The following MED13 variants were observed in gnomAD, a reference collection of about 807,000 sequenced individuals.
MED13 encodes mediator complex subunit 13.
MED13 carries 23 observed loss-of-function variants against 225.2 expected under a neutral mutation model. That is an observed-to-expected ratio of 0.10 (90% CI 0.07 to 0.14). The LOEUF (loss-of-function observed/expected upper bound fraction) is 0.14, where lower values mean the gene tolerates loss of function less well. Ranked by LOEUF, MED13 falls within the 10% of genes least tolerant of loss-of-function variation. MED13 has a pLI of 1.00. For synonymous variants in MED13, 942 were observed against 889.2 expected (o/e 1.06, Z -1.06); for missense variants, 2,197 against 2,594.5 (o/e 0.85, Z 3.33).
intron 9 of MED13, among the ~76,000 whole-genome samples, chr17:62,008,660 A>C (rs896244486): frequency 6.6e-6 from 1 of 152,120 alleles, no homozygotes; most frequent in African/African-American, 2.4e-5. Flanking sequence ...AAGGATGCCA[A>C]ATTTATCTCC....
chr17:61,988,265 T>C (rs1250116014), intron 11 of MED13, among the ~76,000 whole-genome samples: 1 of 152,198 alleles, frequency 6.6e-6, no homozygotes, highest in Non-Finnish European at 1.5e-5. Context: ...TAGATAAATA[T>C]TACCGCTTAG....
At position 61,946,253 on chromosome 17, in the gene MED13, G is replaced by A. The variant is rs960181457; in HGVS notation, c.*215C>T. On this transcript the variant is annotated 3_prime_UTR_variant, in exon 30 of 30. Coordinates refer to ENST00000397786, the MANE Select transcript of MED13 (RefSeq NM_005121.3). ...CTACGAAAATGTTATAATACGTTTT[G>A]TATGATCAGTCATCATCCTAAAGAG... 2.4e-5 allele frequency: 11 copies of A among 455,022 alleles called. No individual in the cohort carries two copies. The highest frequency in any genetic ancestry group is 2.2e-4 in the African/African-American group (11 of 49,978). 28.2% of individuals were successfully genotyped at this position (455,022 alleles called of 1,614,324 possible).
intron 3 of MED13, among the ~76,000 whole-genome samples, chr17:62,038,921 C>T (rs1280884079): frequency 6.6e-6 from 1 of 152,078 alleles, no homozygotes; most frequent in African/African-American, 2.4e-5. Context: ...GCAATCCCTC[C>T]ACCTTGGCCT....
At chr17:61,985,129 T>A in intron 12 of MED13, 39 bp from the exon 13 acceptor site, 1 of 1,486,736 alleles carries the variant, frequency 6.7e-7, no homozygotes, top group Non-Finnish European at 9.3e-7. Flanking sequence ...AAATTTTACA[T>A]CCAATGTGAT....
chr17:62,065,268 AC>A lies in MED13; in HGVS notation c.-64del. On this transcript the variant is annotated 5_prime_UTR_variant, in exon 1 of 30. Coordinates refer to ENST00000397786, the MANE Select transcript of MED13 (RefSeq NM_005121.3). ...CCATCCGCCATTACCGCCGCCTCCG[AC>A]CAGAGAGAGAAACACAGACACCGGG... The A allele has an allele frequency of 1.1e-6, 1 of 889,744 alleles. No homozygotes were observed. Among genetic ancestry groups the A allele is most frequent in the Non-Finnish European group, 1.6e-6 (1 of 625,622 alleles). 55.1% of individuals were successfully genotyped at this position (889,744 alleles called of 1,614,324 possible).
chr17:61,953,250 GC>G (rs774003177), intron 26 of MED13, 137 bp from the exon 27 acceptor site: 9 of 831,172 alleles, frequency 1.1e-5, no homozygotes, highest in Non-Finnish European at 1.6e-5. Context: ...TCTACCATGT[GC>G]CAAGTATTGT....
intron 9 of MED13, among the ~76,000 whole-genome samples, chr17:61,998,442 C>CT (rs1402901109): frequency 2.0e-5 from 3 of 152,110 alleles, no homozygotes; most frequent in African/African-American, 7.2e-5. Context: ...TTTAACATAG[C>CT]TTATGGTAGC....
At chr17:62,004,989 C>T (rs1338887343) in intron 9 of MED13, 2 of 151,744 alleles carry the variant, frequency 1.3e-5, no homozygotes, top group Non-Finnish European at 2.9e-5. Flanking sequence ...TAACTTCCGC[C>T]TCCTTGTTCA....
Position 61,966,448 on chromosome 17 carries a change from T to C in MED13, c.4381+14A>G. Reference sequence around the variant, plus strand: ...GCTAACACCAGCCTTATACAATAAATACAAATTCAATACCTAGGTCATATC... The same window carrying C: ...GCTAACACCAGCCTTATACAATAAACACAAATTCAATACCTAGGTCATATC... On this transcript the variant is annotated intron_variant, in intron 19 of 29. Transcript: ENST00000397786. 1.9e-6 allele frequency: 3 copies of C among 1,596,474 alleles called. No individual in the cohort carries two copies. The highest frequency in any genetic ancestry group is 2.6e-6 in the Non-Finnish European group (3 of 1,172,554).
At chr17:62,048,630 C>T (rs1295707657) in intron 3 of MED13, among the ~76,000 whole-genome samples, 3 of 152,038 alleles carry the variant, frequency 2.0e-5, no homozygotes, top group African/African-American at 4.8e-5. Context: ...AGCCCCACCT[C>T]CAAACCTCCT....
intron 26 of MED13, 43 bp downstream of exon 26, chr17:61,955,338 TG>T (rs764391398): frequency 5.7e-6 from 8 of 1,403,416 alleles, no homozygotes; most frequent in Admixed American, 2.6e-5. Flanking sequence ...GAATTTATTT[TG>T]GGGGGTATTC....
intron 16 of MED13, among the ~76,000 whole-genome samples, chr17:61,974,897 A>G (rs1226910760): frequency 6.6e-6 from 1 of 152,256 alleles, no homozygotes; most frequent in Non-Finnish European, 1.5e-5. Context: ...AAGCACAAGC[A>G]ACAAGAGAAA....
At chr17:61,980,113 C>T (rs1215456217) in intron 16 of MED13, among the ~76,000 whole-genome samples, 1 of 152,050 alleles carries the variant, frequency 6.6e-6, no homozygotes, top group East Asian at 1.9e-4. Flanking sequence ...TGCTTGAACC[C>T]GGGAGGTGGA....
chr17:62,065,094 A>C (rs2143796875), intron 1 of MED13, 46 bp downstream of exon 1: 2 of 1,466,606 alleles, frequency 1.4e-6, no homozygotes, highest in Non-Finnish European at 9.2e-7. Context: ...CCAAGGGCGC[A>C]CCTCGCGGCC....
At chr17:61,952,635 C>T (rs2079906306) in intron 27 of MED13, among the ~76,000 whole-genome samples, 1 of 152,052 alleles carries the variant, frequency 6.6e-6, no homozygotes, top group Non-Finnish European at 1.5e-5. Flanking sequence ...TGCTAATTTC[C>T]AAGGAAAAAT....
At chr17:62,020,808 T>C (rs903759199) in intron 8 of MED13, among the ~76,000 whole-genome samples, 8 of 151,848 alleles carry the variant, frequency 5.3e-5, no homozygotes, top group Non-Finnish European at 1.2e-4. Flanking sequence ...CAAAGGTCTC[T>C]GGTTTTCCTA....
At chr17:62,001,329 T>C (rs546669911) in intron 9 of MED13, among the ~76,000 whole-genome samples, 52 of 152,348 alleles carry the variant, frequency 3.4e-4, no homozygotes, top group African/African-American at 1.2e-3. Flanking sequence ...CATACATCCC[T>C]GCTACTTCTA....
intron 2 of MED13, among the ~76,000 whole-genome samples, chr17:62,054,414 A>C (rs1020005997): frequency 6.6e-6 from 1 of 152,260 alleles, no homozygotes; most frequent in Non-Finnish European, 1.5e-5. Flanking sequence ...GTCTAATATT[A>C]ATCATAAATA....
In MED13 at chr17:61,965,171, G is replaced by A. The variant is rs902581016; in HGVS notation, c.4679C>T (p.Pro1560Leu). The stretch of plus-strand genomic sequence containing the variant: ...AGCATTACTGTTCATACTGCCAAAG[G>A]GTGGAAACGAAGGTAGTTTATTTGA... Reference protein sequence around the residue: ...VSSNKLPSFPPFGSMNSNAAG... With the variant: ...VSSNKLPSFPLFGSMNSNAAG... Residue 1560 changes from proline to leucine, a missense_variant, in exon 20 of 30, where the codon CCC becomes CTC. This residue lies in a region of MED13 where 457 missense variants were observed against 442.2 expected (regional missense o/e 1.03). Coordinates refer to ENST00000397786, the MANE Select transcript of MED13 (RefSeq NM_005121.3). 1 of 1,614,106 alleles carries A rather than the reference G, an allele frequency of 6.2e-7. No homozygotes were observed. Among genetic ancestry groups the A allele is most frequent in the Non-Finnish European group, 8.5e-7 (1 of 1,180,020 alleles).
Sources: allele counts gnomAD v4.1 joint callset (sites outside exome capture counted in the v4.1 genomes callset), GRCh38; gene constraint gnomAD v4.1.1; regional missense constraint gnomAD v4.1.1; transcripts MANE v1.5; gene names NCBI Gene and HGNC (gene_info 2026-07-23, HGNC 2026-07-21).